The following NTM variants were observed in gnomAD, a reference collection of about 807,000 sequenced individuals.
The protein encoded by NTM is IgLON family member 2.
NTM carries 13 observed loss-of-function variants against 42.1 expected under a neutral mutation model. That is an observed-to-expected ratio of 0.31 (90% CI 0.20 to 0.49). The LOEUF is 0.49. Ranked by LOEUF, NTM falls within the 20% of genes least tolerant of loss-of-function variation. NTM has a pLI of 0.99. For synonymous variants in NTM, 187 were observed against 179.2 expected (o/e 1.04, Z -0.35); for missense variants, 373 against 452.8 (o/e 0.82, Z 1.60).
At chr11:132,154,113 G>T (rs922858892) in intron 3 of NTM, among the ~76,000 whole-genome samples, 1 of 152,128 alleles carries the variant, frequency 6.6e-6, no homozygotes, top group African/African-American at 2.4e-5. Flanking sequence ...AGTTCCTGGG[G>T]TGAAATCACT....
chr11:131,897,670 C>T (rs1460748871), intron 1 of NTM, among the ~76,000 whole-genome samples: 3 of 152,140 alleles, frequency 2.0e-5, no homozygotes, highest in Non-Finnish European at 4.4e-5. Context: ...AGTCAAATTC[C>T]AAGTATTCTA....
intron 1 of NTM, among the ~76,000 whole-genome samples, chr11:131,533,172 C>T (rs1319029567): frequency 6.6e-6 from 1 of 152,174 alleles, no homozygotes; most frequent in Admixed American, 6.5e-5. Flanking sequence ...AGTAATAAAA[C>T]TCATAGCAGA....
chr11:131,870,627 G>C (rs1162247871), intron 1 of NTM, among the ~76,000 whole-genome samples: 3 of 152,050 alleles, frequency 2.0e-5, no homozygotes, highest in African/African-American at 4.8e-5. Flanking sequence ...GAGGTTCAAG[G>C]AATTCTATTC....
intron 1 of NTM, among the ~76,000 whole-genome samples, chr11:131,840,632 CA>C (rs1199082749): frequency 1.3e-5 from 2 of 150,248 alleles, no homozygotes; most frequent in Admixed American, 6.6e-5. Flanking sequence ...GACACCTGTC[CA>C]AAAAAAAGAG....
chr11:131,524,181 A>G (rs992240616), intron 1 of NTM, among the ~76,000 whole-genome samples: 3 of 152,206 alleles, frequency 2.0e-5, no homozygotes, highest in African/African-American at 7.2e-5. Flanking sequence ...AGGGGATCCA[A>G]GACAGCTTCG....
intron 1 of NTM, among the ~76,000 whole-genome samples, chr11:131,783,120 A>T (rs952409701): frequency 1.3e-5 from 2 of 152,184 alleles, no homozygotes; most frequent in Admixed American, 6.5e-5. Context: ...TAATAGGTGA[A>T]TTTAACAAGG....
chr11:131,954,475 C>T (rs374977627), intron 2 of NTM, among the ~76,000 whole-genome samples: 12 of 152,214 alleles, frequency 7.9e-5, no homozygotes, highest in South Asian at 2.1e-4. Flanking sequence ...CACATTAGGC[C>T]GACAAGTCAG....
At position 132,212,155 on chromosome 11, in the gene NTM, A is replaced by G; in HGVS notation, c.526+8A>G. On this transcript the variant is annotated splice_region_variant and intron_variant, in intron 4 of 8. Transcript: ENST00000683400. ...GACACATCTCTCCCAAAGGTAAGAG[A>G]ACAGTTTGTTGCATTGCATCATGAG... 6.2e-7 allele frequency: 1 copy of G among 1,608,662 alleles called. No individual in the cohort carries two copies. Among genetic ancestry groups the G allele is most frequent in the Non-Finnish European group, 8.5e-7 (1 of 1,178,270 alleles).
intron 1 of NTM, among the ~76,000 whole-genome samples, chr11:131,673,308 T>G (rs2070750602): frequency 6.6e-6 from 1 of 152,090 alleles, no homozygotes; most frequent in Admixed American, 6.6e-5. Flanking sequence ...ACCAGTCCAT[T>G]TCCACTAACT....
chr11:131,421,182 C>T (rs1947479455), intron 1 of NTM, among the ~76,000 whole-genome samples: 1 of 152,216 alleles, frequency 6.6e-6, no homozygotes, highest in Non-Finnish European at 1.5e-5. Flanking sequence ...TCAGTATGTC[C>T]TGTATCTGGC....
At chr11:132,272,923 T>C (rs1237961086) in intron 4 of NTM, among the ~76,000 whole-genome samples, 2 of 152,266 alleles carry the variant, frequency 1.3e-5, no homozygotes, top group South Asian at 2.1e-4. Flanking sequence ...TGAGAGGAGA[T>C]AGCCTTCTCT....
At chr11:131,695,641 G>A (rs1271137136) in intron 1 of NTM, among the ~76,000 whole-genome samples, 2 of 152,174 alleles carry the variant, frequency 1.3e-5, no homozygotes, top group Non-Finnish European at 2.9e-5. Context: ...TGTGAATAGA[G>A]CATGTTTAGG....
chr11:131,808,666 C>T (rs1008328717), intron 1 of NTM, among the ~76,000 whole-genome samples: 2 of 152,176 alleles, frequency 1.3e-5, no homozygotes, highest in African/African-American at 2.4e-5. Context: ...GGGTGAGTCA[C>T]ATCACATGGG....
At chr11:131,523,508 G>C (rs1031122597) in intron 1 of NTM, among the ~76,000 whole-genome samples, 18 of 152,160 alleles carry the variant, frequency 1.2e-4, no homozygotes, top group African/African-American at 4.1e-4. Flanking sequence ...AAAAGGAAGG[G>C]TCAGGCGCAG....
At chr11:131,516,845 A>G (rs1303900284) in intron 1 of NTM, among the ~76,000 whole-genome samples, 2 of 152,212 alleles carry the variant, frequency 1.3e-5, no homozygotes, top group Non-Finnish European at 1.5e-5. Context: ...CCTTAGTGGT[A>G]ACGAATCTTT....
intron 1 of NTM, among the ~76,000 whole-genome samples, chr11:131,664,429 C>A (rs537035447): frequency 6.6e-6 from 1 of 152,158 alleles, no homozygotes; most frequent in Non-Finnish European, 1.5e-5. Context: ...TTTGCCAATA[C>A]AAGGAACAGT....
intron 7 of NTM, among the ~76,000 whole-genome samples, chr11:132,320,918 T>A (rs1042730201): frequency 1.3e-5 from 2 of 151,466 alleles, no homozygotes; most frequent in African/African-American, 4.9e-5. Flanking sequence ...AGGGCCACAC[T>A]GACACCTCAC....
At chr11:131,736,464 T>G (rs1206444676) in intron 1 of NTM, among the ~76,000 whole-genome samples, 1 of 152,180 alleles carries the variant, frequency 6.6e-6, no homozygotes, top group Non-Finnish European at 1.5e-5. Context: ...CAAACTCTTC[T>G]CCACTTACAA....
intron 2 of NTM, among the ~76,000 whole-genome samples, chr11:132,086,296 C>A (rs10791193): frequency 7.0e-6 from 1 of 143,416 alleles, no homozygotes; most frequent in African/African-American, 2.6e-5. Flanking sequence ...TGCACTCCAG[C>A]TTGGATGACA....
Sources: allele counts gnomAD v4.1 joint callset (sites outside exome capture counted in the v4.1 genomes callset), GRCh38; gene constraint gnomAD v4.1.1; transcripts MANE v1.5; gene names NCBI Gene and HGNC (gene_info 2026-07-23, HGNC 2026-07-21).